Variants in FANCD2 observed in about 807,000 individuals in gnomAD.
The protein encoded by FANCD2 is FA complementation group D2.
FANCD2 carries 131 observed loss-of-function variants against 192.3 expected under a neutral mutation model. That is an observed-to-expected ratio of 0.68 (90% confidence interval 0.59 to 0.79). The LOEUF (loss-of-function observed/expected upper bound fraction) is 0.79, where lower values mean the gene tolerates loss of function less well. Among genes scored for constraint, FANCD2 ranks in the 30% least tolerant of loss-of-function variants. The pLI is 0.00. For missense variants in FANCD2, 1,508 were observed against 1,701.6 expected (o/e 0.89, Z 2.00); for synonymous variants, 524 against 612.5 (o/e 0.86, Z 2.13).
chr3:10,074,916 TTAC>T (rs113253588), intron 29 of FANCD2, among the ~76,000 whole-genome samples: 3 of 151,672 alleles, frequency 2.0e-5, no homozygotes, highest in East Asian at 3.9e-4. Flanking sequence ...TACATTTAGG[TTAC>T]TACTACTACT....
intron 28 of FANCD2, among the ~76,000 whole-genome samples, chr3:10,074,214 G>C (rs1693411650): frequency 1.3e-5 from 2 of 152,088 alleles, no homozygotes; most frequent in South Asian, 4.1e-4. Flanking sequence ...AAAGTCCTGG[G>C]ATTACAGGCA....
intron 2 of FANCD2, among the ~76,000 whole-genome samples, chr3:10,031,327 C>A (rs1212041667): frequency 2.6e-5 from 4 of 152,022 alleles, no homozygotes; most frequent in African/African-American, 9.7e-5. Context: ...CATGGTGAAA[C>A]CCCGTCTCTA....
At chr3:10,057,721 A>G (rs937535720) in intron 18 of FANCD2, among the ~76,000 whole-genome samples, 2 of 152,206 alleles carry the variant, frequency 1.3e-5, no homozygotes, top group African/African-American at 4.8e-5. Flanking sequence ...ATTACTAACA[A>G]AGTCTAATCA....
chr3:10,087,916 G>A (rs1362621803), intron 34 of FANCD2, among the ~76,000 whole-genome samples: 3 of 152,126 alleles, frequency 2.0e-5, no homozygotes, highest in Non-Finnish European at 4.4e-5. Flanking sequence ...CAAAGTGCTG[G>A]GATTACAGAC....
In FANCD2 at chr3:10,035,217, G is replaced by T; in HGVS notation, c.422G>T (p.Gly141Val). The part of the protein sequence containing the change: ...YSKSLIKLLL[G>V]IDILQPAIIK... The stretch of plus-strand genomic sequence containing the variant: ...AAGAGTCTCATCAAACTGCTTCTGG[G>T]GATTGACATACTGCAGGTAAGACTG... Residue 141 changes from glycine to valine, a missense_variant, in exon 6 of 44, where the codon GGG (glycine) becomes GTG (valine). By Grantham distance (109) the Gly-to-Val change is moderately radical. Coordinates refer to ENST00000675286, the MANE Select transcript of FANCD2 (RefSeq NM_001018115.3). The T allele has an allele frequency of 1.2e-6, 2 of 1,613,676 alleles. No homozygotes were observed. The highest frequency in any genetic ancestry group is 8.5e-7 in the Non-Finnish European group (1 of 1,179,756).
At chr3:10,089,516 C>T (rs1480413292) in intron 36 of FANCD2, among the ~76,000 whole-genome samples, 1 of 152,078 alleles carries the variant, frequency 6.6e-6, no homozygotes, top group Non-Finnish European at 1.5e-5. Flanking sequence ...GTCACCCAGG[C>T]TGGAGTGCAG....
intron 26 of FANCD2, 79 bp from the exon 27 acceptor site, chr3:10,072,792 C>T: frequency 1.2e-6 from 1 of 827,074 alleles, no homozygotes; most frequent in Non-Finnish European, 2.1e-6. Context: ...AGTTTTTAGC[C>T]AATGGAGTGA....
chr3:10,068,465 C>T (rs1002471801), intron 26 of FANCD2, among the ~76,000 whole-genome samples: 1 of 151,802 alleles, frequency 6.6e-6, no homozygotes, highest in Non-Finnish European at 1.5e-5. Flanking sequence ...ATAATGAGTA[C>T]TATGAAACAT....
chr3:10,039,543 CG>C (rs2086811677), intron 8 of FANCD2, among the ~76,000 whole-genome samples, 177 bp from the exon 9 acceptor site: 1 of 151,834 alleles, frequency 6.6e-6, no homozygotes, highest in Admixed American at 6.6e-5. Context: ...AGTTTAAATA[CG>C]AAGAGTAGAT....
At chr3:10,095,694 C>T (rs1041505498) in intron 41 of FANCD2, among the ~76,000 whole-genome samples, 4 of 152,176 alleles carry the variant, frequency 2.6e-5, no homozygotes, top group African/African-American at 9.7e-5. Flanking sequence ...ATGAGAACAT[C>T]TTAGCATTAA....
chr3:10,075,204 A>T (rs1404445301), intron 29 of FANCD2, among the ~76,000 whole-genome samples: 4 of 148,874 alleles, frequency 2.7e-5, no homozygotes, highest in Admixed American at 2.7e-4. Flanking sequence ...TTTTTTTGAG[A>T]TGGAGTCTCT....
chr3:10,029,555 T>C (rs1238192640), intron 2 of FANCD2, among the ~76,000 whole-genome samples: 1 of 152,156 alleles, frequency 6.6e-6, no homozygotes, highest in Non-Finnish European at 1.5e-5. Context: ...ATTGCTCTTA[T>C]CTACTCTATT....
chr3:10,099,452 A>G (rs1486112254), intron 43 of FANCD2: 4 of 481,640 alleles, frequency 8.3e-6, no homozygotes, highest in South Asian at 6.9e-5. Context: ...ACAAGACCCT[A>G]TCTCCACAAA....
chr3:10,073,480 C>G, intron 28 of FANCD2, 118 bp downstream of exon 28: 1 of 840,662 alleles, frequency 1.2e-6, no homozygotes, highest in Non-Finnish European at 2.1e-6. Context: ...CGAGCCAAAA[C>G]TCTCTTAGGC....
At chr3:10,079,094 A>C (rs9845773) in intron 30 of FANCD2, among the ~76,000 whole-genome samples, 4,488 of 151,888 alleles carry the variant, frequency 0.03, 226 homozygotes, top group African/African-American at 0.1. Flanking sequence ...TACAAAAAAA[A>C]TTAGCCAGGT....
At chr3:10,094,464 C>T (rs887246650) in intron 40 of FANCD2, 101 bp downstream of exon 40, 1 of 971,728 alleles carries the variant, frequency 1.0e-6, no homozygotes, top group Admixed American at 1.7e-5. Context: ...TCTACCTGGG[C>T]TCCTCTGGTC....
chr3:10,051,894 G>C (rs1333578030), intron 17 of FANCD2, among the ~76,000 whole-genome samples: 1 of 152,084 alleles, frequency 6.6e-6, no homozygotes, highest in Non-Finnish European at 1.5e-5. Context: ...ACTCCTTCCA[G>C]ATCTGTAGAG....
chr3:10,028,685 T>C lies in FANCD2; in HGVS notation c.28T>C (p.Ser10Pro), dbSNP rs150075366. The change falls in exon 2 of 44, where the codon TCT (serine) becomes CCT (proline). Residue 10 changes from serine (S) to proline (P), a missense_variant. Ser to Pro is a moderately conservative substitution (Grantham distance 74). Coordinates refer to ENST00000675286, the MANE Select transcript of FANCD2 (RefSeq NM_001018115.3). MVSKRRLSK[S>P]EDKESLTEDA... ...GGTTTCCAAAAGAAGACTGTCAAAA[T>C]CTGAGGATAAAGAGAGCCTGACAGA... 185 of 1,614,038 alleles carry C rather than the reference T, an allele frequency of 1.1e-4. 1 individual carries two copies. The highest frequency in any genetic ancestry group is 1.5e-4 in the Non-Finnish European group (172 of 1,179,992).
At chr3:10,028,868 G>A in intron 2 of FANCD2, 147 bp downstream of exon 2, 1 of 808,566 alleles carries the variant, frequency 1.2e-6, no homozygotes, top group Non-Finnish European at 2.1e-6. Flanking sequence ...ATCAGATTTG[G>A]GACTGAGTTT....
Sources: allele counts gnomAD v4.1 joint callset (sites outside exome capture counted in the v4.1 genomes callset), GRCh38; gene constraint gnomAD v4.1.1; transcripts MANE v1.5; gene names NCBI Gene and HGNC (gene_info 2026-07-23, HGNC 2026-07-21).